Variants in STAG1 observed in about 807,000 individuals in gnomAD.
STAG1 encodes the protein cohesin subunit SA-1.
In STAG1, 26 loss-of-function variants were observed where a neutral mutation model predicts 170.9. That is an observed-to-expected ratio of 0.15 (90% CI 0.11 to 0.21). STAG1 has a LOEUF of 0.21. Among genes scored for constraint, STAG1 ranks in the 10% least tolerant of loss-of-function variants. STAG1 has a pLI of 1.00. For synonymous variants in STAG1, 514 were observed against 497.7 expected, an observed-to-expected ratio of 1.03 and a Z score of -0.44; for missense variants, 964 against 1,509.5, an observed-to-expected ratio of 0.64 and a Z score of 5.99.
intron 4 of STAG1, among the ~76,000 whole-genome samples, chr3:136,602,235 T>G (rs1216636862): frequency 6.6e-6 from 1 of 151,786 alleles, no homozygotes; most frequent in African/African-American, 2.4e-5. Flanking sequence ...AAAAATTAGC[T>G]GGGCATGGTG....
intron 1 of STAG1, among the ~76,000 whole-genome samples, chr3:136,716,638 C>A (rs1364878677): frequency 6.6e-6 from 1 of 152,178 alleles, no homozygotes; most frequent in East Asian, 1.9e-4. Flanking sequence ...TAAAGTGAGA[C>A]CCTGTCTCTT....
At position 136,477,436 on chromosome 3, in the gene STAG1, T is replaced by C. The variant is rs778286336; in HGVS notation, c.903-24A>G. The C allele has an allele frequency of 6.3e-6, 10 of 1,581,112 alleles. No individual in the cohort carries two copies. In the Admixed American group the frequency reaches 1.3e-4, roughly 20 times the overall value. On this transcript the variant is annotated intron_variant, in intron 9 of 33. Coordinates refer to ENST00000383202, the MANE Select transcript of STAG1 (RefSeq NM_005862.3). The stretch of plus-strand genomic sequence containing the variant: ...CACTAGAGAGAGAAAAAAAAGACAA[T>C]CTCAAATTAATATACAAAGCTAGAA...
intron 21 of STAG1, 46 bp from the exon 22 acceptor site, chr3:136,398,875 AT>A: frequency 1.6e-6 from 2 of 1,229,332 alleles, no homozygotes; most frequent in South Asian, 1.6e-5. Context: ...ATTCAAAAAA[AT>A]GAGATCATCT....
At chr3:136,394,961 A>T (rs2087110349) in intron 22 of STAG1, among the ~76,000 whole-genome samples, 1 of 150,062 alleles carries the variant, frequency 6.7e-6, no homozygotes. Context: ...AAAAAAAAAA[A>T]TGTAGCTAGG....
chr3:136,347,253 G>A (rs1936261793), intron 29 of STAG1, among the ~76,000 whole-genome samples: 2 of 151,342 alleles, frequency 1.3e-5, no homozygotes, highest in Admixed American at 6.6e-5. Context: ...AAAATTAGCT[G>A]GGCGTGGCGG....
chr3:136,751,199 TGTAA>T (rs1158801383), intron 1 of STAG1, among the ~76,000 whole-genome samples: 1 of 151,080 alleles, frequency 6.6e-6, no homozygotes, highest in Non-Finnish European at 1.5e-5. Flanking sequence ...TTTTTTTGTC[TGTAA>T]GTGTCCAAAA....
intron 1 of STAG1, among the ~76,000 whole-genome samples, chr3:136,666,023 C>T (rs1212261370): frequency 3.2e-5 from 4 of 124,218 alleles, no homozygotes; most frequent in African/African-American, 6.1e-5. Context: ...TGCAGTGCGC[C>T]GAGATTGCGC....
intron 30 of STAG1, 150 bp from the exon 31 acceptor site, chr3:136,341,701 A>G (rs897362050): frequency 3.0e-5 from 18 of 605,602 alleles, no homozygotes; most frequent in African/African-American, 9.3e-5. Flanking sequence ...AAAAAAGGCA[A>G]TAAGTTGCCC....
intron 26 of STAG1, among the ~76,000 whole-genome samples, chr3:136,360,304 T>C (rs1576388310): frequency 6.6e-6 from 1 of 152,284 alleles, no homozygotes; most frequent in East Asian, 1.9e-4. Flanking sequence ...CTCAATAGTT[T>C]TGCTCTTGTG....
At chr3:136,417,756 A>C (rs1337579731) in intron 21 of STAG1, 129 bp downstream of exon 21, 1 of 682,926 alleles carries the variant, frequency 1.5e-6, no homozygotes, top group Non-Finnish European at 2.6e-6. Context: ...TACAGCAATA[A>C]TTCTCTCAAA....
chr3:136,399,220 A>G (rs765932889), intron 21 of STAG1, among the ~76,000 whole-genome samples: 1 of 152,234 alleles, frequency 6.6e-6, no homozygotes, highest in Non-Finnish European at 1.5e-5. Context: ...TACTTCTTTT[A>G]AAGTATTTTA....
chr3:136,464,683 G>A (rs769116126), intron 13 of STAG1, among the ~76,000 whole-genome samples, 198 bp downstream of exon 13: 1 of 152,106 alleles, frequency 6.6e-6, no homozygotes, highest in Non-Finnish European at 1.5e-5. Flanking sequence ...GAAAAAAGGA[G>A]TATGTCACAA....
intron 7 of STAG1, among the ~76,000 whole-genome samples, chr3:136,512,964 G>A (rs1464403448): frequency 6.6e-6 from 1 of 152,128 alleles, no homozygotes; most frequent in Non-Finnish European, 1.5e-5. Flanking sequence ...GAAGAAAAAA[G>A]GTTAGGACTG....
intron 1 of STAG1, among the ~76,000 whole-genome samples, chr3:136,678,527 CAA>C (rs200768204): frequency 1.5e-4 from 15 of 99,078 alleles, no homozygotes; most frequent in Admixed American, 3.2e-4. Context: ...ACATGAATTG[CAA>C]AAAAAAAAAA....
In STAG1 at chr3:136,437,867, C is replaced by T. The variant is rs372557482; in HGVS notation, c.1547-4208G>A. ...TCTTTCCCTCTTTATAAGCCATCTC[C>T]CTCTTTTATATTTTTACCATCATTC... On this transcript the variant is annotated intron_variant, in intron 15 of 33. Transcript: ENST00000383202. Among the ~76,000 whole-genome samples, 28 of 152,294 alleles carry T rather than the reference C, an allele frequency of 1.8e-4. No homozygotes were observed. The East Asian group carries it at 2.5e-3, about 14-fold the overall frequency.
At chr3:136,346,094 C>T (rs969832382) in intron 29 of STAG1, among the ~76,000 whole-genome samples, 8 of 152,218 alleles carry the variant, frequency 5.3e-5, no homozygotes, top group African/African-American at 1.4e-4. Context: ...TCCAGAAAAT[C>T]TTCCTGTATT....
intron 16 of STAG1, among the ~76,000 whole-genome samples, chr3:136,424,517 T>C (rs2088056742): frequency 6.6e-6 from 1 of 151,970 alleles, no homozygotes. Flanking sequence ...GTATTTTTGG[T>C]AGAGACGGGT....
intron 10 of STAG1, among the ~76,000 whole-genome samples, chr3:136,476,401 T>C (rs983963548): frequency 1.3e-5 from 2 of 152,108 alleles, no homozygotes; most frequent in South Asian, 2.1e-4. Flanking sequence ...ATAATTGCAA[T>C]AGGCAGTAAC....
intron 1 of STAG1, among the ~76,000 whole-genome samples, chr3:136,645,951 T>C (rs1254661336): frequency 6.6e-6 from 1 of 152,102 alleles, no homozygotes; most frequent in Non-Finnish European, 1.5e-5. Context: ...CAAACCCAAG[T>C]CTCAGGATTC....
Sources: gnomAD v4.1 joint callset for allele counts (sites outside exome capture counted in the v4.1 genomes callset) on GRCh38, gnomAD v4.1.1 for gene constraint, MANE v1.5 for transcripts, NCBI Gene and HGNC (gene_info 2026-07-23, HGNC 2026-07-21) for gene names.